The following TMEM245 variants were observed in gnomAD, a reference collection of about 807,000 sequenced individuals.
TMEM245 encodes transmembrane protein 245, also known as protein CG-2.
In TMEM245, 69 loss-of-function variants were observed where a neutral mutation model predicts 101.2. The observed-to-expected ratio is 0.68, with a 90% CI of 0.56 to 0.83. TMEM245 has a LOEUF of 0.83. Among genes scored for constraint, TMEM245 ranks in the 40% least tolerant of loss-of-function variants. The pLI, the probability that TMEM245 is intolerant of heterozygous loss-of-function variation, is 0.00. For missense variants in TMEM245, 1,075 were observed against 1,092.8 expected (o/e 0.98, Z 0.23); for synonymous variants, 537 against 449.8 (o/e 1.19, Z -2.45).
At chr9:109,067,916 A>G (rs1315323688) in intron 9 of TMEM245, among the ~76,000 whole-genome samples, 1 of 152,188 alleles carries the variant, frequency 6.6e-6, no homozygotes, top group African/African-American at 2.4e-5. Flanking sequence ...TACAAGGTCA[A>G]CTGCCCTCCT....
At chr9:109,053,930 C>CTCTGCTA (rs1459817524) in intron 12 of TMEM245, among the ~76,000 whole-genome samples, 5 of 152,210 alleles carry the variant, frequency 3.3e-5, no homozygotes, top group Admixed American at 1.3e-4. Flanking sequence ...ACCACATGAG[C>CTCTGCTA]TCTGCTATCT....
chr9:109,095,295 G>T (rs1348833122), intron 3 of TMEM245, among the ~76,000 whole-genome samples: 1 of 152,184 alleles, frequency 6.6e-6, no homozygotes, highest in Non-Finnish European at 1.5e-5. Context: ...GTGTGCTGGG[G>T]ATAAAGACAC....
intron 5 of TMEM245, among the ~76,000 whole-genome samples, chr9:109,088,239 G>A (rs2132554077): frequency 6.6e-6 from 1 of 152,220 alleles, no homozygotes; most frequent in Admixed American, 6.5e-5. Context: ...TGAGCTCAGT[G>A]TTACACACAA....
chr9:109,113,867 A>C (rs567646332), intron 1 of TMEM245, among the ~76,000 whole-genome samples: 3 of 152,316 alleles, frequency 2.0e-5, no homozygotes, highest in African/African-American at 4.8e-5. Context: ...AGGCAGGGGA[A>C]TCACCTGAGG....
At position 109,119,407 on chromosome 9, in the gene TMEM245, C is replaced by G; in HGVS notation, c.507G>C (p.Leu169Phe). The G allele has an allele frequency of 6.5e-7, 1 of 1,527,182 alleles. No homozygotes were observed. The highest frequency in any genetic ancestry group is 8.8e-7 in the Non-Finnish European group (1 of 1,141,662). 94.6% of individuals were successfully genotyped at this position (1,527,182 alleles called of 1,614,324 possible). ...CGTGCACCAGCAGCACCTGCACGCC[C>G]AAGTAGCTGCCGAGGCAGTAGAGGC... is the stretch of plus-strand genomic sequence containing the variant. ...LYGLYCLGSY[L>F]GVQVLLVHAA... The change falls in exon 1 of 18, where the codon TTG becomes TTC. Residue 169 changes from leucine to phenylalanine, a missense_variant. By Grantham distance (22) the Leu-to-Phe change is conservative. This residue lies in a region of TMEM245 where 808 missense variants were observed against 741.5 expected (regional missense o/e 1.09). Coordinates refer to ENST00000374586, the MANE Select transcript of TMEM245 (RefSeq NM_032012.4).
chr9:109,087,331 T>G lies in TMEM245; in HGVS notation c.1162A>C (p.Lys388Gln). The change falls in exon 6 of 18, where the codon AAA becomes CAA. Residue 388 changes from lysine to glutamine, a missense_variant. Transcript: ENST00000374586. ...LPVPIAVWIL[K>Q]KLVIHFGVVD... ...ACTCCAAAGTGAATGACAAGCTTTT[T>G]GAGTATCCAGACTAAAAAAAGACAA... is the stretch of plus-strand genomic sequence containing the variant. 6.3e-7 allele frequency: 1 copy of G among 1,599,632 alleles called. No homozygotes were observed. The highest frequency in any genetic ancestry group is 8.5e-7 in the Non-Finnish European group (1 of 1,175,460).
chr9:109,073,285 G>A, intron 9 of TMEM245, 71 bp downstream of exon 9: 1 of 1,128,970 alleles, frequency 8.9e-7, no homozygotes, highest in African/African-American at 1.5e-5. Context: ...CATCAATGAA[G>A]GTCATTTCGT....
chr9:109,036,513 G>A, intron 15 of TMEM245, 133 bp from the exon 16 acceptor site: 2 of 865,666 alleles, frequency 2.3e-6, no homozygotes, highest in Non-Finnish European at 3.3e-6. Context: ...TCAAATATTA[G>A]GGAAATGATA....
At chr9:109,040,535 T>C (rs561171359) in intron 14 of TMEM245, among the ~76,000 whole-genome samples, 1 of 152,322 alleles carries the variant, frequency 6.6e-6, no homozygotes, top group African/African-American at 2.4e-5. Flanking sequence ...CCACTAGATA[T>C]GCTGTCACTA....
rs886777535 is a variant in TMEM245, at chr9:109,108,686, G to A, written c.580-116C>T. 6.3e-6 allele frequency: 4 copies of A among 639,002 alleles called. No individual in the cohort carries two copies. The Admixed American group carries it at 1.2e-4, about 20-fold the overall frequency. The allele number at this position is 639,002 out of a possible 1,614,324, so 39.6% of individuals were successfully genotyped here. A position where few individuals can be genotyped will look rare whatever the true frequency, so the allele number is the denominator to read the frequency against. On this transcript the variant is annotated intron_variant, in intron 1 of 17. Coordinates refer to ENST00000374586, the MANE Select transcript of TMEM245 (RefSeq NM_032012.4). The stretch of plus-strand genomic sequence containing the variant: ...AATGCTCTGGACATAGCACAGAAAA[G>A]ATGAAGGTTGATGGTGTCAAAGAAA...
intron 5 of TMEM245, among the ~76,000 whole-genome samples, chr9:109,089,871 A>G (rs1829947763): frequency 6.6e-6 from 1 of 152,338 alleles, no homozygotes; most frequent in South Asian, 2.1e-4. Flanking sequence ...CTGCCAAATC[A>G]CAAGACTTTG....
chr9:109,029,296 A>C (rs546461258), intron 17 of TMEM245, among the ~76,000 whole-genome samples: 10 of 152,358 alleles, frequency 6.6e-5, no homozygotes, highest in African/African-American at 2.2e-4. Context: ...AACTCAAGAA[A>C]AATGTCAGAA....
At chr9:109,074,489 C>G (rs552482481) in intron 8 of TMEM245, among the ~76,000 whole-genome samples, 4 of 152,074 alleles carry the variant, frequency 2.6e-5, no homozygotes, top group African/African-American at 9.7e-5. Flanking sequence ...GAAGCCACAT[C>G]GTTATCCTTT....
chr9:109,074,391 C>A (rs114910480), intron 8 of TMEM245, among the ~76,000 whole-genome samples: 1,532 of 152,258 alleles, frequency 0.01, 11 homozygotes, highest in Non-Finnish European at 0.013. Context: ...AGAGGCGTAA[C>A]AGCTCACTCC....
At chr9:109,072,550 A>T (rs1175980160) in intron 9 of TMEM245, among the ~76,000 whole-genome samples, 2 of 152,134 alleles carry the variant, frequency 1.3e-5, no homozygotes, top group African/African-American at 4.8e-5. Context: ...ATGAACTCTT[A>T]ACCTGTACCT....
intron 3 of TMEM245, among the ~76,000 whole-genome samples, chr9:109,104,092 GA>G (rs529192422): frequency 1.4e-5 from 2 of 146,912 alleles, no homozygotes; most frequent in Admixed American, 6.8e-5. Flanking sequence ...CTCAAAAACA[GA>G]AAAAAAAAAT....
chr9:109,097,728 G>A (rs559663150), intron 3 of TMEM245, among the ~76,000 whole-genome samples: 1 of 152,234 alleles, frequency 6.6e-6, no homozygotes, highest in South Asian at 2.1e-4. Flanking sequence ...AGACCTGCCT[G>A]GCCAACATGG....
intron 14 of TMEM245, among the ~76,000 whole-genome samples, chr9:109,049,200 T>C (rs556531023): frequency 6.6e-6 from 1 of 152,322 alleles, no homozygotes; most frequent in East Asian, 1.9e-4. Context: ...TTATCAAAAC[T>C]GCTTTGAATT....
chr9:109,058,145 C>T (rs1444467408), intron 11 of TMEM245, among the ~76,000 whole-genome samples: 5 of 151,240 alleles, frequency 3.3e-5, no homozygotes, highest in African/African-American at 1.2e-4. Flanking sequence ...TGACTACGGG[C>T]GCCTGCCACA....
Sources: allele counts gnomAD v4.1 joint callset (sites outside exome capture counted in the v4.1 genomes callset), GRCh38; gene constraint gnomAD v4.1.1; regional missense constraint gnomAD v4.1.1; transcripts MANE v1.5; gene names NCBI Gene and HGNC (gene_info 2026-07-23, HGNC 2026-07-21).